The following LRRTM4 variants were observed in gnomAD, a reference collection of about 807,000 sequenced individuals.
LRRTM4 encodes leucine rich repeat transmembrane neuronal 4, also known as leucine-rich repeat transmembrane neuronal protein 4.
In LRRTM4, 25 loss-of-function variants were observed where a neutral mutation model predicts 47.6. The observed-to-expected ratio is 0.53, with a 90% confidence interval of 0.38 to 0.73. The LOEUF is 0.73. Among genes scored for constraint, LRRTM4 ranks in the 30% least tolerant of loss-of-function variants. The pLI is 0.00. For missense variants in LRRTM4, 638 were observed against 713.4 expected (o/e 0.89, Z 1.20); for synonymous variants, 311 against 269.5 (o/e 1.15, Z -1.51).
intron 3 of LRRTM4, among the ~76,000 whole-genome samples, chr2:77,087,792 T>C (rs1259488638): frequency 2.0e-5 from 3 of 152,220 alleles, no homozygotes; most frequent in Non-Finnish European, 4.4e-5. Flanking sequence ...AAATAAAATG[T>C]ATACTAAAGA....
intron 3 of LRRTM4, among the ~76,000 whole-genome samples, chr2:76,805,730 C>T (rs550070834): frequency 6.6e-6 from 1 of 152,118 alleles, no homozygotes; most frequent in Admixed American, 6.6e-5. Flanking sequence ...TAAACCATCA[C>T]GCATCCACCA....
In LRRTM4 at chr2:76,885,944, G is replaced by T. The variant is rs6743730; in HGVS notation, c.1552-137028C>A. On this transcript the variant is annotated intron_variant, in intron 3 of 3. Transcript: ENST00000409884. The stretch of plus-strand genomic sequence containing the variant: ...TGAAGAAACTACAAATGGCTTGGAA[G>T]AATAAATCTGACAAAAATAGCATAC... Among the ~76,000 whole-genome samples the T allele has an allele frequency of 4.1e-3, 617 of 151,944 alleles. 8 individuals are homozygous for T. The highest frequency in any genetic ancestry group is 0.014 in the African/African-American group (583 of 41,462).
At chr2:76,999,761 TTC>T (rs2104019177) in intron 3 of LRRTM4, among the ~76,000 whole-genome samples, 1 of 152,262 alleles carries the variant, frequency 6.6e-6, no homozygotes, top group South Asian at 2.1e-4. Flanking sequence ...AGTTTAGAAT[TTC>T]TCTGTCTGTA....
intron 3 of LRRTM4, among the ~76,000 whole-genome samples, chr2:77,025,518 A>G (rs1228364251): frequency 1.3e-5 from 2 of 152,162 alleles, no homozygotes; most frequent in Non-Finnish European, 2.9e-5. Flanking sequence ...ATTCCTCTTC[A>G]GTCTTCTCTC....
chr2:77,220,856 G>A (rs916981845), intron 3 of LRRTM4, among the ~76,000 whole-genome samples: 6 of 152,064 alleles, frequency 3.9e-5, no homozygotes, highest in Admixed American at 1.3e-4. Context: ...TACAGAGAAC[G>A]CCACAAAGAT....
intron 3 of LRRTM4, among the ~76,000 whole-genome samples, chr2:76,953,360 G>C (rs1034638394): frequency 2.4e-4 from 37 of 151,778 alleles, no homozygotes; most frequent in African/African-American, 8.5e-4. Context: ...AGTACTCCAT[G>C]CAACCTCAAA....
At chr2:76,898,054 T>C (rs1673482400) in intron 3 of LRRTM4, among the ~76,000 whole-genome samples, 1 of 152,172 alleles carries the variant, frequency 6.6e-6, no homozygotes, top group South Asian at 2.1e-4. Context: ...CCTATTAGAG[T>C]TTCTCTTTAG....
At chr2:76,916,211 T>TA (rs1674238989) in intron 3 of LRRTM4, among the ~76,000 whole-genome samples, 1 of 151,374 alleles carries the variant, frequency 6.6e-6, no homozygotes, top group African/African-American at 2.4e-5. Context: ...AACACAAGTT[T>TA]AAAAAATATG....
At chr2:76,878,139 C>G (rs140199359) in intron 3 of LRRTM4, among the ~76,000 whole-genome samples, 1 of 152,042 alleles carries the variant, frequency 6.6e-6, no homozygotes, top group South Asian at 2.1e-4. Flanking sequence ...ATATCTGTTA[C>G]GATGATCTGT....
Position 76,776,100 on chromosome 2 carries a change from T to C in LRRTM4, c.1552-27184A>G, listed in dbSNP as rs879217003. On this transcript the variant is annotated intron_variant, in intron 3 of 3. Coordinates refer to ENST00000409884, the MANE Select transcript of LRRTM4 (RefSeq NM_001134745.3). ...AAGGACATGAACTCATCATTTTTTA[T>C]GGCTGCATAGTATTCCACGGTGTAT... Among the ~76,000 whole-genome samples the C allele has an allele frequency of 8.4e-4, 128 of 152,368 alleles. 1 individual carries two copies. The highest frequency in any genetic ancestry group is 6.8e-3 in the Middle Eastern group (2 of 294).
At chr2:77,451,122 T>C (rs1676238567) in intron 3 of LRRTM4, among the ~76,000 whole-genome samples, 1 of 152,138 alleles carries the variant, frequency 6.6e-6, no homozygotes, top group African/African-American at 2.4e-5. Context: ...CCTAATTCAT[T>C]GTGTAGAGTC....
At chr2:76,760,696 C>A (rs1673221888) in intron 3 of LRRTM4, among the ~76,000 whole-genome samples, 1 of 152,084 alleles carries the variant, frequency 6.6e-6, no homozygotes, top group Non-Finnish European at 1.5e-5. Context: ...AGCCATTATC[C>A]TCACCTTCCA....
chr2:77,259,372 CAGAT>C (rs751945934), intron 3 of LRRTM4, among the ~76,000 whole-genome samples: 5 of 152,056 alleles, frequency 3.3e-5, no homozygotes, highest in Non-Finnish European at 5.9e-5. Context: ...GAGTGCTTGA[CAGAT>C]AGCAATTTCT....
At chr2:77,202,257 T>C (rs191397026) in intron 3 of LRRTM4, among the ~76,000 whole-genome samples, 56 of 152,290 alleles carry the variant, frequency 3.7e-4, no homozygotes, top group African/African-American at 1.3e-3. Flanking sequence ...AAATCACCAT[T>C]TCTGCTGATG....
intron 3 of LRRTM4, 34 bp from the exon 4 acceptor site, chr2:76,748,950 T>C (rs1282878211): frequency 1.9e-6 from 3 of 1,578,432 alleles, no homozygotes; most frequent in South Asian, 1.1e-5. Flanking sequence ...GGGTGGATTA[T>C]AAAATTGCTT....
intron 3 of LRRTM4, among the ~76,000 whole-genome samples, chr2:77,186,983 T>C (rs903200492): frequency 6.6e-6 from 1 of 152,196 alleles, no homozygotes; most frequent in African/African-American, 2.4e-5. Flanking sequence ...CTAATTCTTT[T>C]GGTGCCCTAG....
intron 3 of LRRTM4, among the ~76,000 whole-genome samples, chr2:77,094,033 TTC>T (rs1372379124): frequency 3.3e-5 from 5 of 152,104 alleles, no homozygotes; most frequent in South Asian, 2.1e-4. Flanking sequence ...TTCGGATTGT[TTC>T]TGTTTGCTGA....
At chr2:77,426,123 A>G (rs1675094673) in intron 3 of LRRTM4, among the ~76,000 whole-genome samples, 1 of 151,900 alleles carries the variant, frequency 6.6e-6, no homozygotes, top group Admixed American at 6.6e-5. Context: ...GTCAAAAAAA[A>G]AAAAAAAAGT....
At position 77,209,296 on chromosome 2, in the gene LRRTM4, C is replaced by A. The variant is rs1200362833; in HGVS notation, c.1551+309022G>T. Among the ~76,000 whole-genome samples, 3 of 152,024 alleles carry A rather than the reference C, an allele frequency of 2.0e-5. No individual in the cohort carries two copies. In the East Asian group the frequency reaches 5.8e-4, roughly 29 times the overall value. On this transcript the variant is annotated intron_variant, in intron 3 of 3. Transcript: ENST00000409884. Reference sequence around the variant, plus strand: ...CTAAGTACTAAATCATAATTACCAGCAACTGAGGACTGGGCATCAGAATTT... The same window carrying A: ...CTAAGTACTAAATCATAATTACCAGAAACTGAGGACTGGGCATCAGAATTT...
Sources: gnomAD v4.1 joint callset for allele counts (sites outside exome capture counted in the v4.1 genomes callset) on GRCh38, gnomAD v4.1.1 for gene constraint, MANE v1.5 for transcripts, NCBI Gene and HGNC (gene_info 2026-07-23, HGNC 2026-07-21) for gene names.